The following POLA1 variants were observed in gnomAD, a reference collection of about 807,000 sequenced individuals.
POLA1 encodes DNA polymerase alpha catalytic subunit.
In POLA1, 15 loss-of-function variants were observed where a neutral mutation model predicts 124.0. The observed-to-expected ratio is 0.12, with a 90% CI of 0.08 to 0.19. The LOEUF (loss-of-function observed/expected upper bound fraction) is 0.19, where lower values mean the gene tolerates loss of function less well. Ranked by LOEUF, POLA1 falls within the 10% of genes least tolerant of loss-of-function variation. POLA1 has a pLI of 1.00. For synonymous variants in POLA1, 408 were observed against 389.4 expected (o/e 1.05, Z -0.56); for missense variants, 886 against 1,103.4 (o/e 0.80, Z 2.79).
chrX:24,705,499 C>A (rs1396138046), intron 4 of POLA1, among the ~76,000 whole-genome samples: 1 of 111,473 alleles, frequency 9.0e-6, no homozygotes, highest in Non-Finnish European at 1.9e-5. Flanking sequence ...TTTAGAACTT[C>A]AGCAGTGACC....
intron 36 of POLA1, among the ~76,000 whole-genome samples, chrX:24,957,786 G>C (rs1315784797): frequency 9.0e-6 from 1 of 111,070 alleles, no homozygotes; most frequent in Non-Finnish European, 1.9e-5. Flanking sequence ...ATTTTAAGCA[G>C]AGAAGGGGCA....
chrX:24,976,308 A>C (rs893254734), intron 36 of POLA1, among the ~76,000 whole-genome samples: 2 of 112,087 alleles, frequency 1.8e-5, no homozygotes, highest in Non-Finnish European at 3.8e-5. Context: ...GAAGAAAGCA[A>C]GTTCCATTGC....
At chrX:24,824,974 A>T (rs1339709670) in intron 31 of POLA1, among the ~76,000 whole-genome samples, 2 of 111,641 alleles carry the variant, frequency 1.8e-5, no homozygotes, top group Non-Finnish European at 1.9e-5. Flanking sequence ...TAAACTCAAC[A>T]TTGCTGTAAT....
chrX:24,818,050 G>A (rs6418545), intron 30 of POLA1, among the ~76,000 whole-genome samples: 1 of 106,186 alleles, frequency 9.4e-6, no homozygotes, highest in Non-Finnish European at 1.9e-5. Context: ...ATTTTAGCCC[G>A]TGTTGCCAAA....
chrX:24,938,473 A>C (rs73207275), intron 36 of POLA1, among the ~76,000 whole-genome samples: 4 of 111,992 alleles, frequency 3.6e-5, no homozygotes, highest in African/African-American at 9.7e-5. Flanking sequence ...GCCACTCTCT[A>C]TGTGCCCAGA....
chrX:24,751,818 G>C (rs931218161), intron 26 of POLA1, among the ~76,000 whole-genome samples: 1 of 111,988 alleles, frequency 8.9e-6, no homozygotes, highest in Non-Finnish European at 1.9e-5. Flanking sequence ...GAGAGCCAGT[G>C]TGCTGAGATT....
At chrX:24,702,069 T>C (rs1027588395) in intron 2 of POLA1, among the ~76,000 whole-genome samples, 1 of 103,532 alleles carries the variant, frequency 9.7e-6, no homozygotes, top group Non-Finnish European at 2.0e-5. Context: ...TCAGGTACTT[T>C]TTTTTTTTTT....
chrX:24,918,686 T>C (rs1246327028), intron 35 of POLA1, among the ~76,000 whole-genome samples: 2 of 111,557 alleles, frequency 1.8e-5, no homozygotes, highest in East Asian at 2.8e-4. Context: ...AGAGGTTTAT[T>C]TGACTTGTGA....
At chrX:24,724,238 A>G in intron 11 of POLA1, 97 bp from the exon 12 acceptor site, 1 of 464,950 alleles carries the variant, frequency 2.2e-6, no homozygotes, top group Non-Finnish European at 3.7e-6. Flanking sequence ...ATGGGTGAGG[A>G]TGAAAATTGA....
chrX:24,736,253 G>A (rs779039441), intron 18 of POLA1, among the ~76,000 whole-genome samples: 2 of 111,651 alleles, frequency 1.8e-5, no homozygotes, highest in South Asian at 7.6e-4. Flanking sequence ...TTTACTCTTG[G>A]ATACCTTATC....
chrX:24,889,150 G>A (rs770797453), intron 35 of POLA1, among the ~76,000 whole-genome samples: 6 of 111,048 alleles, frequency 5.4e-5, no homozygotes, highest in Admixed American at 9.6e-5. Flanking sequence ...GATTACAGAC[G>A]TGAGCCACCG....
At chrX:24,852,918 C>T (rs2046585477) in intron 34 of POLA1, among the ~76,000 whole-genome samples, 1 of 111,778 alleles carries the variant, frequency 8.9e-6, no homozygotes, top group Non-Finnish European at 1.9e-5. Flanking sequence ...TCTCCATCCA[C>T]CATCAAAGAA....
chrX:24,970,788 T>C (rs1220978013), intron 36 of POLA1, among the ~76,000 whole-genome samples: 1 of 112,199 alleles, frequency 8.9e-6, no homozygotes, highest in Non-Finnish European at 1.9e-5. Context: ...ATTTTTAATT[T>C]AGTTAAAACT....
chrX:24,945,214 C>A (rs1410076899), intron 36 of POLA1, among the ~76,000 whole-genome samples: 1 of 112,963 alleles, frequency 8.9e-6, no homozygotes, highest in Non-Finnish European at 1.9e-5. Flanking sequence ...CAGTGCCTGG[C>A]ACATAGTAAG....
At chrX:24,788,253 A>G in intron 26 of POLA1, 1 of 625,605 alleles carries the variant, frequency 1.6e-6, no homozygotes, top group Non-Finnish European at 2.3e-6. Flanking sequence ...CCCACAGCTA[A>G]CATCATACAC....
At chrX:24,932,096 A>G (rs2047791814) in intron 36 of POLA1, among the ~76,000 whole-genome samples, 1 of 111,351 alleles carries the variant, frequency 9.0e-6, no homozygotes, top group Non-Finnish European at 1.9e-5. Context: ...AGGGGGTTTC[A>G]CCTTGTTGGC....
intron 26 of POLA1, among the ~76,000 whole-genome samples, chrX:24,792,835 A>G (rs746692747): frequency 1.8e-5 from 2 of 111,708 alleles, no homozygotes; most frequent in Non-Finnish European, 3.8e-5. Context: ...AATTGTCAAG[A>G]TCATAAGGTG....
chrX:24,941,237 A>G (rs928788136), intron 36 of POLA1, among the ~76,000 whole-genome samples: 6 of 110,769 alleles, frequency 5.4e-5, no homozygotes, highest in Non-Finnish European at 7.6e-5. Flanking sequence ...TTTTTTTACT[A>G]GTGCTTGTAC....
In POLA1 at chrX:24,995,966, A is replaced by C; in HGVS notation, c.*16A>C. ...GAAATCCTAAGGGAATCCCAGGAGT[A>C]ACCAAGGAGGGGGTAGTTGAAAAAT... On this transcript the variant is annotated 3_prime_UTR_variant, in exon 37 of 37. Coordinates refer to ENST00000379068, the MANE Select transcript of POLA1 (RefSeq NM_001330360.2). 8.3e-7 allele frequency: 1 copy of C among 1,201,276 alleles called. No individual in the cohort carries two copies. The highest frequency in any genetic ancestry group is 1.1e-6 in the Non-Finnish European group (1 of 888,427).
Sources: gnomAD v4.1 joint callset for allele counts (sites outside exome capture counted in the v4.1 genomes callset) on GRCh38, gnomAD v4.1.1 for gene constraint, MANE v1.5 for transcripts, NCBI Gene and HGNC (gene_info 2026-07-23, HGNC 2026-07-21) for gene names.